The following OSBPL5 variants were observed in gnomAD, a reference collection of about 807,000 sequenced individuals.
OSBPL5 encodes the protein oxysterol binding protein like 5.
Under a neutral mutation model 111.2 loss-of-function variants are expected in OSBPL5, and 71 were observed. The observed-to-expected ratio is 0.64, with a 90% CI of 0.53 to 0.78. OSBPL5 has a LOEUF of 0.78. Ranked by LOEUF, OSBPL5 falls within the 30% of genes least tolerant of loss-of-function variation. The probability of loss-of-function intolerance (pLI) is 0.00; values close to 1 mark genes in which losing one functional copy is unlikely to be tolerated. For missense variants in OSBPL5, 1,210 were observed against 1,189.3 expected (o/e 1.02, Z -0.26); for synonymous variants, 549 against 513.9 (o/e 1.07, Z -0.93).
intron 14 of OSBPL5, among the ~76,000 whole-genome samples, chr11:3,098,730 C>T (rs1857362588): frequency 6.6e-6 from 1 of 151,902 alleles, no homozygotes; most frequent in Admixed American, 6.6e-5. Flanking sequence ...GTCTTAAACT[C>T]CTGACCTCAG....
chr11:3,122,266 G>T, intron 4 of OSBPL5, 82 bp downstream of exon 4: 1 of 1,473,416 alleles, frequency 6.8e-7, no homozygotes, highest in Non-Finnish European at 9.3e-7. Flanking sequence ...CCTTTTGACA[G>T]GTGGGGAGGG....
At chr11:3,094,634 CGCCAGG>C in intron 14 of OSBPL5, 1 of 366,148 alleles carries the variant, frequency 2.7e-6, no homozygotes, top group Non-Finnish European at 5.1e-6. Flanking sequence ...GCTCTGTCCT[CGCCAGG>C]GCCTTTGCTC....
rs762521006 is a variant in OSBPL5 at position 3,119,614 on chromosome 11, G to A, written c.624C>T (p.Ser208=). ...GCAGGGGCTGTGTGATGGAGCCCAC[G>A]CTCTCACCTTTGGGGCCCTGGAGAG... The part of the protein sequence containing the change: ...VWAVKGPKGE[S]VGSITQPLPS... The change falls in exon 7 of 22, where the codon AGC becomes AGT. Residue 208 remains serine (S), a synonymous_variant. Transcript: ENST00000263650. 72 of 1,575,910 alleles carry A rather than the reference G, an allele frequency of 4.6e-5. No individual in the cohort carries two copies. The highest frequency in any genetic ancestry group is 5.8e-5 in the South Asian group (5 of 85,972).
At chr11:3,131,788 TCCAC>T (rs1845803486) in intron 1 of OSBPL5, among the ~76,000 whole-genome samples, 1 of 91,684 alleles carries the variant, frequency 1.1e-5, no homozygotes, top group African/African-American at 5.7e-5. Flanking sequence ...CATCCATCCA[TCCAC>T]CTACCCATTC....
intron 7 of OSBPL5, among the ~76,000 whole-genome samples, chr11:3,115,293 T>C (rs566071033): frequency 6.6e-6 from 1 of 152,244 alleles, no homozygotes; most frequent in Non-Finnish European, 1.5e-5. Flanking sequence ...AAAACAGATA[T>C]TAAAATTTTT....
chr11:3,123,066 C>T (rs1337172180), intron 3 of OSBPL5, among the ~76,000 whole-genome samples: 3 of 152,222 alleles, frequency 2.0e-5, no homozygotes, highest in Non-Finnish European at 4.4e-5. Context: ...GGTGCCCACC[C>T]CATCCCCTGG....
At chr11:3,148,761 T>C (rs766727575) in intron 1 of OSBPL5, among the ~76,000 whole-genome samples, 1 of 152,200 alleles carries the variant, frequency 6.6e-6, no homozygotes, top group Non-Finnish European at 1.5e-5. Flanking sequence ...ATTGGCATGA[T>C]AGCAGCATTG....
chr11:3,164,750 C>T (rs778946381), intron 1 of OSBPL5, among the ~76,000 whole-genome samples: 2 of 152,248 alleles, frequency 1.3e-5, no homozygotes, highest in African/African-American at 2.4e-5. Context: ...AGATCCCAGA[C>T]CCCCTGCAGA....
chr11:3,128,563 T>G (rs1858715256), intron 2 of OSBPL5, among the ~76,000 whole-genome samples: 1 of 152,198 alleles, frequency 6.6e-6, no homozygotes, highest in African/African-American at 2.4e-5. Context: ...CTGTCCCCTC[T>G]CAGAGCCCAG....
intron 12 of OSBPL5, among the ~76,000 whole-genome samples, chr11:3,101,940 A>G (rs1590646537): frequency 6.6e-6 from 1 of 152,100 alleles, no homozygotes; most frequent in Non-Finnish European, 1.5e-5. Flanking sequence ...GATGGGACAC[A>G]CTGTCCTCTC....
chr11:3,124,239 T>C (rs561523194), intron 3 of OSBPL5, among the ~76,000 whole-genome samples: 6 of 152,272 alleles, frequency 3.9e-5, no homozygotes, highest in East Asian at 1.9e-4. Context: ...TGTTGCTCCA[T>C]TGTGGCACTT....
intron 1 of OSBPL5, among the ~76,000 whole-genome samples, chr11:3,136,737 C>T (rs369552399): frequency 7.2e-4 from 109 of 152,344 alleles, no homozygotes; most frequent in South Asian, 4.8e-3. Context: ...CCCTCCACGC[C>T]TATGTGGCTT....
chr11:3,131,884 TCC>T (rs1845814997), intron 1 of OSBPL5, among the ~76,000 whole-genome samples: 3 of 51,210 alleles, frequency 5.9e-5, no homozygotes, highest in African/African-American at 3.3e-4. Flanking sequence ...CATCCACCCA[TCC>T]ACCCACCCTC....
rs1388563241 is a variant in OSBPL5, at chr11:3,142,302, G to A, written c.-21-13133C>T. Among the ~76,000 whole-genome samples, 2 of 152,212 alleles carry A rather than the reference G, an allele frequency of 1.3e-5. No individual in the cohort carries two copies. The highest frequency in any genetic ancestry group is 2.9e-5 in the Non-Finnish European group (2 of 68,046). On this transcript the variant is annotated intron_variant, in intron 1 of 21. Transcript: ENST00000263650. This position sits in a 1 kb window ranked among gnomAD's most constrained non-coding sequence, Gnocchi z 7.1. Reference sequence around the variant, plus strand: ...TTGGTGCAGGAGGTGCTGGGCCCTGGTGCCACCCCAAAGTCCACGGGGCTG... The same window carrying A: ...TTGGTGCAGGAGGTGCTGGGCCCTGATGCCACCCCAAAGTCCACGGGGCTG...
intron 1 of OSBPL5, among the ~76,000 whole-genome samples, chr11:3,147,579 G>T (rs566008687): frequency 2.1e-4 from 32 of 152,358 alleles, no homozygotes; most frequent in African/African-American, 7.7e-4. Context: ...TTGTGAACTC[G>T]AATCGAGGCG....
Position 3,103,848 on chromosome 11 carries a change from TTTCCAGTCTGCGCAGCC to T in OSBPL5, c.1244+328_1244+344del, listed in dbSNP as rs1564830656. 4.5e-3 allele frequency among the ~76,000 whole-genome samples: 247 copies of T among 55,164 alleles called. 5 individuals carry two copies. The highest frequency in any genetic ancestry group is 6.9e-3 in the Non-Finnish European group (185 of 26,760). The allele number at this position is 55,164 out of a possible 152,430, so 36.2% of individuals were successfully genotyped here. On this transcript the variant is annotated intron_variant, in intron 10 of 21. Transcript: ENST00000263650. Reference sequence around the variant, plus strand: ...GCCCCCTTCCAGCCTCTGCAGCCCCTTTCCAGTCTGCGCAGCCCCCTTCCTGCCTCTGTAGCCCCATT... The same window carrying T: ...GCCCCCTTCCAGCCTCTGCAGCCCCTCCCTTCCTGCCTCTGTAGCCCCATT...
intron 5 of OSBPL5, 122 bp from the exon 6 acceptor site, chr11:3,120,746 C>T (rs893028167): frequency 9.2e-5 from 90 of 974,960 alleles, no homozygotes; most frequent in Non-Finnish European, 1.2e-4. Flanking sequence ...CCTTCCCCTC[C>T]CTCACTCCCC....
rs1197029862 is a variant in OSBPL5, at chr11:3,093,778, C to T, written c.1777G>A (p.Glu593Lys). Residue 593 changes from glutamate to lysine, a missense_variant, in exon 16 of 22, where the codon GAG (glutamate) becomes AAG (lysine). Coordinates refer to ENST00000263650, the MANE Select transcript of OSBPL5 (RefSeq NM_020896.4). ...NQISGKITSG[E>K]EVLASLSGHW... ...CCACTGAGGCTCGCCAGGACTTCCTCTCCCGACGTGATCTTTCCCGAGATC... is the reference window on the plus strand; with the variant it reads ...CCACTGAGGCTCGCCAGGACTTCCTTTCCCGACGTGATCTTTCCCGAGATC... The T allele has an allele frequency of 4.3e-6, 7 of 1,613,198 alleles. No individual in the cohort carries two copies. The South Asian group carries it at 4.4e-5, about 10-fold the overall frequency.
At chr11:3,129,391 A>G (rs1858748263) in intron 1 of OSBPL5, 1 of 350,290 alleles carries the variant, frequency 2.9e-6, no homozygotes, top group Non-Finnish European at 5.1e-6. Flanking sequence ...CACGCCGGGC[A>G]GTAGGGCTGG....
Sources: gnomAD v4.1 joint callset for allele counts (sites outside exome capture counted in the v4.1 genomes callset) on GRCh38, gnomAD v4.1.1 for gene constraint, Gnocchi (gnomAD v3.1) non-coding constraint, MANE v1.5 for transcripts, NCBI Gene and HGNC (gene_info 2026-07-23, HGNC 2026-07-21) for gene names.